The following FUT9 variants were observed in gnomAD, a reference collection of about 807,000 sequenced individuals.
FUT9 encodes the protein fucosyltransferase 9.
Under a neutral mutation model 29.7 loss-of-function variants are expected in FUT9, and 15 were observed. The observed-to-expected ratio is 0.51, with a 90% CI of 0.34 to 0.78. The LOEUF (loss-of-function observed/expected upper bound fraction) is 0.78, where lower values mean the gene tolerates loss of function less well. FUT9 is among the 30% of genes least tolerant of loss of function. The pLI, the probability that FUT9 is intolerant of heterozygous loss-of-function variation, is 0.01. For synonymous variants in FUT9, 169 were observed against 153.7 expected (o/e 1.10, Z -0.74); for missense variants, 319 against 425.4 (o/e 0.75, Z 2.20).
At chr6:96,174,740 G>A (rs958274467) in intron 2 of FUT9, among the ~76,000 whole-genome samples, 6 of 152,110 alleles carry the variant, frequency 3.9e-5, no homozygotes, top group Non-Finnish European at 8.8e-5. Context: ...AGGTTAGAAA[G>A]GTTGAAGAAG....
intron 1 of FUT9, among the ~76,000 whole-genome samples, chr6:96,094,149 A>G (rs1771457755): frequency 6.6e-6 from 1 of 152,174 alleles, no homozygotes; most frequent in Non-Finnish European, 1.5e-5. Context: ...TGTGGTCCTC[A>G]GTGATCTGAA....
intron 1 of FUT9, among the ~76,000 whole-genome samples, chr6:96,071,896 AAGT>A (rs1377055615): frequency 6.6e-6 from 1 of 152,136 alleles, no homozygotes; most frequent in Non-Finnish European, 1.5e-5. Context: ...CAGCTTCCCA[AAGT>A]ACTTGGATTA....
At chr6:96,110,857 C>A (rs1246931457) in intron 1 of FUT9, among the ~76,000 whole-genome samples, 1 of 43,298 alleles carries the variant, frequency 2.3e-5, no homozygotes. Context: ...GAAACAGGGT[C>A]TAATTATGTT....
chr6:96,149,336 C>G (rs542511135), intron 2 of FUT9, among the ~76,000 whole-genome samples: 1 of 98,706 alleles, frequency 1.0e-5, no homozygotes, highest in African/African-American at 3.0e-5. Flanking sequence ...AAGTTTAAGG[C>G]AGACAAAAAA....
intron 2 of FUT9, among the ~76,000 whole-genome samples, chr6:96,163,471 C>G (rs1448572476): frequency 6.6e-6 from 1 of 152,292 alleles, no homozygotes; most frequent in East Asian, 1.9e-4. Context: ...CTGAGCTGAG[C>G]CTTGGCCAAT....
At chr6:96,052,375 T>C (rs1770686583) in intron 1 of FUT9, among the ~76,000 whole-genome samples, 1 of 152,200 alleles carries the variant, frequency 6.6e-6, no homozygotes, top group Non-Finnish European at 1.5e-5. Flanking sequence ...CTGGCCAATA[T>C]TGTCACTCTT....
chr6:96,148,616 C>A (rs1772617097), intron 2 of FUT9, among the ~76,000 whole-genome samples: 1 of 152,076 alleles, frequency 6.6e-6, no homozygotes. Context: ...CCTGGAGAAG[C>A]CCAAGTTGTA....
chr6:96,133,697 C>T (rs1772293898), intron 2 of FUT9, among the ~76,000 whole-genome samples: 1 of 151,864 alleles, frequency 6.6e-6, no homozygotes, highest in Non-Finnish European at 1.5e-5. Flanking sequence ...TTCGGTTAAC[C>T]CCTCTCCTGG....
At chr6:96,074,348 G>T (rs1009097583) in intron 1 of FUT9, among the ~76,000 whole-genome samples, 7 of 152,138 alleles carry the variant, frequency 4.6e-5, no homozygotes, top group African/African-American at 1.7e-4. Flanking sequence ...TTTCTTCCCA[G>T]TCATTTCTTG....
intron 2 of FUT9, among the ~76,000 whole-genome samples, chr6:96,139,519 G>A (rs958828438): frequency 6.6e-6 from 1 of 152,192 alleles, no homozygotes. Flanking sequence ...GGGACACTCT[G>A]TGTGGGGGTT....
chr6:96,110,091 A>T (rs1771769742), intron 1 of FUT9, among the ~76,000 whole-genome samples: 1 of 152,128 alleles, frequency 6.6e-6, no homozygotes, highest in Non-Finnish European at 1.5e-5. Context: ...TCCTTCATGA[A>T]ATCTTCCTTT....
chr6:96,195,184 T>C (rs927995003), intron 2 of FUT9, among the ~76,000 whole-genome samples: 1 of 151,820 alleles, frequency 6.6e-6, no homozygotes, highest in Non-Finnish European at 1.5e-5. Context: ...GAGGCAAAAA[T>C]GAAGGAAGAA....
At chr6:96,028,154 A>C (rs1210785976) in intron 1 of FUT9, among the ~76,000 whole-genome samples, 1 of 151,480 alleles carries the variant, frequency 6.6e-6, no homozygotes, top group African/African-American at 2.4e-5. Flanking sequence ...AAAAACAAAG[A>C]AATTCTGTAG....
rs116552425 is a variant in FUT9, at chr6:96,061,618, T to A, written c.-98+45406T>A. Among the ~76,000 whole-genome samples the A allele has an allele frequency of 5.4e-3, 820 of 152,288 alleles. 4 individuals carry two copies. The highest frequency in any genetic ancestry group is 0.019 in the African/African-American group (783 of 41,562). On this transcript the variant is annotated intron_variant, in intron 1 of 2. Transcript: ENST00000302103. ...TGCTTTTTATATTTTTTTCTGATTT[T>A]ATTTTGTTAAACTGATCTCCACTAT... is the stretch of plus-strand genomic sequence containing the variant.
chr6:96,190,426 T>C (rs569238511), intron 2 of FUT9, among the ~76,000 whole-genome samples: 1 of 152,276 alleles, frequency 6.6e-6, no homozygotes, highest in East Asian at 1.9e-4. Context: ...TGGCATTCTC[T>C]GTATTTCCTG....
In FUT9 at chr6:96,203,200, C is replaced by T; in HGVS notation, c.45C>T (p.Val15=). 1 of 1,605,168 alleles carries T rather than the reference C, an allele frequency of 6.2e-7. No individual in the cohort carries two copies. Among genetic ancestry groups the T allele is most frequent in the South Asian group, 1.1e-5 (1 of 90,428 alleles). The change falls in exon 3 of 3, where the codon GTC becomes GTT. Residue 15 remains valine, a synonymous_variant. Coordinates refer to ENST00000302103, the MANE Select transcript of FUT9 (RefSeq NM_006581.4). Reference sequence around the variant, plus strand: ...GAATTCTTCGCCCATTTTTAATTGTCTGCATTATCCTGGGCTGTTTCATGG... The same window carrying T: ...GAATTCTTCGCCCATTTTTAATTGTTTGCATTATCCTGGGCTGTTTCATGG... ...SKGILRPFLI[V]CIILGCFMAC... is the part of the protein sequence containing the mutation.
chr6:96,018,405 A>C (rs1354808586), intron 1 of FUT9, among the ~76,000 whole-genome samples: 2 of 152,154 alleles, frequency 1.3e-5, no homozygotes, highest in Non-Finnish European at 2.9e-5. Context: ...TGAGAATCCA[A>C]ATAACTAGTC....
At chr6:96,027,883 G>C (rs1038760908) in intron 1 of FUT9, among the ~76,000 whole-genome samples, 3 of 151,484 alleles carry the variant, frequency 2.0e-5, no homozygotes, top group African/African-American at 7.3e-5. Flanking sequence ...ATGTTTTGCT[G>C]TTTTCTTCAT....
chr6:96,035,110 G>GA (rs527547695), intron 1 of FUT9, among the ~76,000 whole-genome samples: 1 of 151,284 alleles, frequency 6.6e-6, no homozygotes, highest in African/African-American at 2.4e-5. Flanking sequence ...ATCTTTATTA[G>GA]AAAAAATGAT....
Sources: gnomAD v4.1 joint callset for allele counts (sites outside exome capture counted in the v4.1 genomes callset) on GRCh38, gnomAD v4.1.1 for gene constraint, MANE v1.5 for transcripts, NCBI Gene and HGNC (gene_info 2026-07-23, HGNC 2026-07-21) for gene names.